Variants in SHBG observed in about 807,000 individuals in gnomAD.
The protein encoded by SHBG is sex hormone-binding globulin.
In SHBG, 37 loss-of-function variants were observed where a neutral mutation model predicts 41.9. The ratio of observed to expected loss-of-function variants is 0.88; its 90% CI spans 0.68 to 1.16. The LOEUF is 1.16. Ranked by LOEUF, SHBG falls within the 50% of genes most tolerant of loss-of-function variation. SHBG has a pLI of 0.00. For synonymous variants in SHBG, 217 were observed against 205.8 expected (o/e 1.05, Z -0.47); for missense variants, 466 against 499.9 (o/e 0.93, Z 0.65).
intron 1 of SHBG, among the ~76,000 whole-genome samples, chr17:7,622,752 G>A (rs1475406178): frequency 4.0e-5 from 6 of 151,896 alleles, no homozygotes; most frequent in Non-Finnish European, 5.9e-5. Flanking sequence ...ACCCTGGGCT[G>A]GGCACGGTGG....
Position 7,633,323 on chromosome 17 carries a change from C to T in SHBG, c.1180C>T (p.Pro394Ser). ...CTGGACTCACAGCTGCCCCCAGAGC[C>T]CAGGCAATGGCACTGACGCTTCCCA... Reference protein sequence around the residue: ...EIWTHSCPQSPGNGTDASH With the variant: ...EIWTHSCPQSSGNGTDASH The change falls in exon 8 of 8, where the codon CCA (proline) becomes TCA (serine). Residue 394 changes from proline to serine, a missense_variant. By Grantham distance (74) the Pro-to-Ser change is moderately conservative. Coordinates refer to ENST00000380450, the MANE Select transcript of SHBG (RefSeq NM_001040.5). 6.2e-7 allele frequency: 1 copy of T among 1,614,190 alleles called. No individual in the cohort carries two copies. Among genetic ancestry groups the T allele is most frequent in the Non-Finnish European group, 8.5e-7 (1 of 1,180,036 alleles).
At chr17:7,623,312 A>T (rs2072132348), upstream of SHBG, among the ~76,000 whole-genome samples, 2 of 152,138 alleles carry the variant, frequency 1.3e-5, no homozygotes, top group Admixed American at 1.3e-4. Context: ...AACTGCTTGG[A>T]CCCAGGAGGT....
chr17:7,633,182 C>T (rs779174458), intron 7 of SHBG, 22 bp from the exon 8 acceptor site: 2 of 1,613,984 alleles, frequency 1.2e-6, no homozygotes, highest in Middle Eastern at 1.7e-4. Context: ...TCTAATGCCA[C>T]CTTTGCACTA....
At chr17:7,632,551 G>A (rs2150970550) in intron 6 of SHBG, among the ~76,000 whole-genome samples, 1 of 152,336 alleles carries the variant, frequency 6.6e-6, no homozygotes, top group South Asian at 2.1e-4. Context: ...GACTTAGACT[G>A]CATATTTACT....
chr17:7,626,268 C>T, upstream of SHBG: 1 of 641,476 alleles, frequency 1.6e-6, no homozygotes, highest in Non-Finnish European at 2.7e-6. Flanking sequence ...TTTTCACCCT[C>T]AACAAGGAAG....
chr17:7,630,203 C>T lies in SHBG; in HGVS notation c.31C>T (p.Arg11Cys), dbSNP rs751598746. 11 of 1,613,592 alleles carry T rather than the reference C, an allele frequency of 6.8e-6. No homozygotes were observed. Among genetic ancestry groups the T allele is most frequent in the Admixed American group, 1.7e-5 (1 of 59,954 alleles). ...GAGCAGAGGCCCACTGGCTACCTCG[C>T]GCCTGCTGCTGTTGCTGCTGTTGCT... MESRGPLATS[R>C]LLLLLLLLLL... The change falls in exon 1 of 8, where the codon CGC (arginine) becomes TGC (cysteine). Residue 11 changes from arginine to cysteine, a missense_variant. By Grantham distance (180) the Arg-to-Cys change is radical. Transcript: ENST00000380450. This position sits in a 1 kb window ranked among gnomAD's most constrained non-coding sequence, Gnocchi z 4.6.
intron 1 of SHBG, chr17:7,614,624 G>A (rs1452280817): frequency 3.0e-5 from 22 of 721,526 alleles, no homozygotes; most frequent in Non-Finnish European, 4.2e-5. Flanking sequence ...CCCCGGAGGA[G>A]GAGCCGGAGG....
chr17:7,615,417 C>T (rs1230328695), intron 1 of SHBG, among the ~76,000 whole-genome samples: 2 of 152,224 alleles, frequency 1.3e-5, no homozygotes, highest in South Asian at 2.1e-4. Context: ...ACCCTCTTCG[C>T]GTATGCATCG....
At chr17:7,624,816 C>CT (rs1435776779), upstream of SHBG, among the ~76,000 whole-genome samples, 3 of 150,772 alleles carry the variant, frequency 2.0e-5, no homozygotes, top group Admixed American at 2.0e-4. Context: ...TGCGTGCTGG[C>CT]TTTTTTTGTA....
intron 7 of SHBG, 94 bp downstream of exon 7, chr17:7,633,053 G>C: frequency 7.0e-7 from 1 of 1,427,472 alleles, no homozygotes; most frequent in Non-Finnish European, 9.8e-7. Flanking sequence ...CTCTGGGAGG[G>C]AAGAAGAATA....
At chr17:7,626,309 A>G (rs1022125505), upstream of SHBG, 16 of 883,594 alleles carry the variant, frequency 1.8e-5, no homozygotes, top group African/African-American at 2.5e-4. Context: ...TGCTCTTCCA[A>G]TACTTGAGGA....
chr17:7,624,388 C>G (rs1341857347), upstream of SHBG, among the ~76,000 whole-genome samples: 2 of 151,366 alleles, frequency 1.3e-5, no homozygotes, highest in African/African-American at 4.9e-5. Context: ...GCTGGAATTA[C>G]ATGGGTGCCA....
At chr17:7,630,064 C>G, upstream of SHBG, 1 of 921,446 alleles carries the variant, frequency 1.1e-6, no homozygotes, top group South Asian at 1.3e-5. This position sits in a 1 kb window ranked among gnomAD's most constrained non-coding sequence, Gnocchi z 4.6. Flanking sequence ...TTCCTTTACC[C>G]CCTCCTCCCC....
chr17:7,627,218 C>A (rs1275813496), upstream of SHBG: 1 of 1,614,108 alleles, frequency 6.2e-7, no homozygotes, highest in Non-Finnish European at 8.5e-7. The surrounding 1 kb of genome is among the most constrained non-coding windows in gnomAD (Gnocchi z 4.8). Flanking sequence ...AAGCCATCTG[C>A]TCTCAGGGCT....
chr17:7,623,807 G>A (rs527304654), upstream of SHBG, among the ~76,000 whole-genome samples: 10 of 152,160 alleles, frequency 6.6e-5, no homozygotes, highest in African/African-American at 2.4e-4. Flanking sequence ...TGTCACTCAG[G>A]CTGGAGTGTG....
At chr17:7,626,531 T>C (rs1311915012), upstream of SHBG, 6 of 1,614,172 alleles carry the variant, frequency 3.7e-6, no homozygotes, top group Non-Finnish European at 5.1e-6. Flanking sequence ...CTTGGGCTCC[T>C]AGGGCCTTGT....
upstream of SHBG, among the ~76,000 whole-genome samples, chr17:7,625,914 A>T (rs1183427574): frequency 6.6e-6 from 1 of 151,112 alleles, no homozygotes; most frequent in Non-Finnish European, 1.5e-5. Context: ...AAAAAAAAAA[A>T]GACTTTGGAC....
Position 7,631,216 on chromosome 17 carries a change from A to T in SHBG, c.410A>T (p.Glu137Val). 6.3e-7 allele frequency: 1 copy of T among 1,576,148 alleles called. No homozygotes were observed. The highest frequency in any genetic ancestry group is 1.4e-5 in the African/African-American group (1 of 73,834). Residue 137 changes from glutamate to valine, a missense_variant, in exon 4 of 8, where the codon GAG (glutamate) becomes GTG (valine). Glu to Val is a moderately radical substitution (Grantham distance 121). Transcript: ENST00000380450. ...GRWHQVEVKMEGDSVLLEVDG... is the reference protein window; with the variant it reads ...GRWHQVEVKMVGDSVLLEVDG... Reference sequence around the variant, plus strand: ...TTCCTGCAGGTGGAAGTCAAGATGGAGGGGGACTCTGTGCTGCTGGAGGTG... The same window carrying T: ...TTCCTGCAGGTGGAAGTCAAGATGGTGGGGGACTCTGTGCTGCTGGAGGTG...
rs75861634 is a variant in SHBG, at chr17:7,622,956, G to A, written c.-61-7462G>A. ...GGAGGCTGAGGGAGGAGAATGGCACGAACCTGAGAGGCAGAGCTTGCAGTG... is the reference window on the plus strand; with the variant it reads ...GGAGGCTGAGGGAGGAGAATGGCACAAACCTGAGAGGCAGAGCTTGCAGTG... On this transcript the variant is annotated intron_variant, in intron 1 of 5. Transcript: ENST00000570547. Among the ~76,000 whole-genome samples, 13 of 151,166 alleles carry A rather than the reference G, an allele frequency of 8.6e-5. No homozygotes were observed. The East Asian group carries it at 1.2e-3, about 14-fold the overall frequency.
Sources: allele counts gnomAD v4.1 joint callset (sites outside exome capture counted in the v4.1 genomes callset), GRCh38; gene constraint gnomAD v4.1.1; non-coding constraint Gnocchi (gnomAD v3.1); transcripts MANE v1.5; gene names NCBI Gene and HGNC (gene_info 2026-07-23, HGNC 2026-07-21).